ICE2: variants seen among roughly 807,000 people sequenced by gnomAD.
ICE2 encodes the protein little elongation complex subunit 2.
In ICE2, 87 loss-of-function variants were observed where a neutral mutation model predicts 105.4. The ratio of observed to expected loss-of-function variants is 0.83; its 90% confidence interval spans 0.69 to 0.99. The LOEUF (loss-of-function observed/expected upper bound fraction) is 0.99, where lower values mean the gene tolerates loss of function less well. Among genes scored for constraint, ICE2 ranks in the 50% least tolerant of loss-of-function variants. The pLI, the probability that ICE2 is intolerant of heterozygous loss-of-function variation, is 0.00. For missense variants in ICE2, 1,323 were observed against 1,146.7 expected (o/e 1.15, Z -2.22); for synonymous variants, 399 against 392.0 (o/e 1.02, Z -0.21).
intron 11 of ICE2, chr15:60,445,719 T>A (rs1566982088): frequency 4.1e-6 from 4 of 985,024 alleles, no homozygotes; most frequent in Non-Finnish European, 4.8e-6. Flanking sequence ...AGAATTAAAC[T>A]GGTATCCAAA....
chr15:60,462,660 A>G (rs1178354019), intron 5 of ICE2, among the ~76,000 whole-genome samples: 1 of 152,154 alleles, frequency 6.6e-6, no homozygotes, highest in Non-Finnish European at 1.5e-5. Flanking sequence ...AGAAAAAATG[A>G]ACAGTCATTC....
In ICE2 at chr15:60,455,024, T is replaced by A; in HGVS notation, c.922A>T (p.Ile308Phe). 1 of 1,566,954 alleles carries A rather than the reference T, an allele frequency of 6.4e-7. No homozygotes were observed. Among genetic ancestry groups the A allele is most frequent in the South Asian group, 1.2e-5 (1 of 82,024 alleles). The change falls in exon 8 of 16, where the codon ATT (isoleucine) becomes TTT (phenylalanine). Residue 308 changes from isoleucine to phenylalanine, a missense_variant. Transcript: ENST00000261520. Reference protein sequence around the residue: ...YKEQWEIPVCIQVIPVAGSKP... With the variant: ...YKEQWEIPVCFQVIPVAGSKP... ...AAACCTGCAACAGGTATTACTTGAATACACACTGGAATTTCCCACTGTTCC... is the reference window on the plus strand; with the variant it reads ...AAACCTGCAACAGGTATTACTTGAAAACACACTGGAATTTCCCACTGTTCC...
rs960239497 is a variant in ICE2 at position 60,421,087 on chromosome 15, T to C, written c.*2547A>G. 5.9e-5 allele frequency: 9 copies of C among 152,164 alleles called. No individual in the cohort carries two copies. The highest frequency in any genetic ancestry group is 1.9e-4 in the African/African-American group (8 of 41,428). 9.4% of individuals were successfully genotyped at this position (152,164 alleles called of 1,614,324 possible). A position where few individuals can be genotyped will look rare whatever the true frequency, so the allele number is the denominator to read the frequency against. On this transcript the variant is annotated 3_prime_UTR_variant, in exon 16 of 16. Coordinates refer to ENST00000261520, the MANE Select transcript of ICE2 (RefSeq NM_024611.6). Reference sequence around the variant, plus strand: ...CTACTTTGGAGTGCATGGCACATAGTTGCACTCACTTACTGAATTAAACTG... The same window carrying C: ...CTACTTTGGAGTGCATGGCACATAGCTGCACTCACTTACTGAATTAAACTG...
intron 12 of ICE2, chr15:60,439,202 T>G (rs886826321): frequency 6.6e-6 from 1 of 152,152 alleles, no homozygotes; most frequent in African/African-American, 2.4e-5. Flanking sequence ...CAAAACACTA[T>G]AAATTCTCTA....
Position 60,420,445 on chromosome 15 carries a change from A to C in ICE2, c.*3189T>G, listed in dbSNP as rs187515060. ...GCTTCCCAGCTCCATCGCATTCTCT[A>C]GACTAATGCCAACAAGAGCCCTTTT... On this transcript the variant is annotated 3_prime_UTR_variant, in exon 16 of 16. Coordinates refer to ENST00000261520, the MANE Select transcript of ICE2 (RefSeq NM_024611.6). 1 of 152,310 alleles carries C rather than the reference A, an allele frequency of 6.6e-6. No homozygotes were observed. The highest frequency in any genetic ancestry group is 6.5e-5 in the Admixed American group (1 of 15,296). 9.4% of individuals were successfully genotyped at this position (152,310 alleles called of 1,614,324 possible). A position where few individuals can be genotyped will look rare whatever the true frequency, so the allele number is the denominator to read the frequency against.
In ICE2 at chr15:60,420,958, C is replaced by T. The variant is rs890300947; in HGVS notation, c.*2676G>A. 2 of 122,048 alleles carry T rather than the reference C, an allele frequency of 1.6e-5. No homozygotes were observed. Among genetic ancestry groups the T allele is most frequent in the African/African-American group, 5.4e-5 (2 of 36,702 alleles). The allele number at this position is 122,048 out of a possible 1,614,324, so 7.6% of individuals were successfully genotyped here. A position where few individuals can be genotyped will look rare whatever the true frequency, so the allele number is the denominator to read the frequency against. On this transcript the variant is annotated 3_prime_UTR_variant, in exon 16 of 16. Transcript: ENST00000261520. Reference sequence around the variant, plus strand: ...AATGGTGAACAAAACAAATATGCCCCTGTCCTTGCAGAGCTTGTAATCTAT... The same window carrying T: ...AATGGTGAACAAAACAAATATGCCCTTGTCCTTGCAGAGCTTGTAATCTAT...
In ICE2 at chr15:60,466,731, A is replaced by G. The variant is rs1432169309; in HGVS notation, c.409-18T>C. The G allele has an allele frequency of 2.5e-6, 4 of 1,580,468 alleles. No individual in the cohort carries two copies. In the African/African-American group the frequency reaches 5.4e-5, roughly 21 times the overall value. On this transcript the variant is annotated intron_variant, in intron 4 of 15. Transcript: ENST00000261520. ...TTCATATCCTGATTTTTAAAAAAGT[A>G]GACATGTCTTGGGATAAAAAGTTTC... is the stretch of plus-strand genomic sequence containing the variant.
chr15:60,444,649 T>C (rs1024029713), intron 11 of ICE2, among the ~76,000 whole-genome samples: 1 of 152,086 alleles, frequency 6.6e-6, no homozygotes, highest in African/African-American at 2.4e-5. Context: ...ACTCAGTAAA[T>C]TCTGTTTTAT....
At chr15:60,454,548 C>T (rs1418673390) in intron 8 of ICE2, 1 of 152,822 alleles carries the variant, frequency 6.5e-6, no homozygotes, top group Non-Finnish European at 1.5e-5. Flanking sequence ...TTTAGTAGTG[C>T]TGAGCCTAAA....
intron 12 of ICE2, among the ~76,000 whole-genome samples, chr15:60,436,720 C>CCAAAA (rs2063598555): frequency 1.1e-5 from 1 of 88,014 alleles, no homozygotes; most frequent in African/African-American, 4.4e-5. Flanking sequence ...GACTCTGTCT[C>CCAAAA]AAAAAAAAAA....
chr15:60,432,036 T>C (rs185358606), intron 13 of ICE2, 52 bp from the exon 14 acceptor site: 245 of 913,366 alleles, frequency 2.7e-4, no homozygotes, highest in Non-Finnish European at 3.7e-4. Flanking sequence ...AACTTACTTT[T>C]AGCAATTATA....
intron 9 of ICE2, chr15:60,451,012 A>G (rs1403844844): frequency 8.2e-6 from 2 of 243,636 alleles, no homozygotes; most frequent in Non-Finnish European, 1.3e-5. Context: ...AAAGTGTTAG[A>G]CAAAGCAGAA....
chr15:60,475,932 A>G (rs576614460), intron 3 of ICE2, 131 bp downstream of exon 3: 2 of 571,858 alleles, frequency 3.5e-6, no homozygotes, highest in Non-Finnish European at 6.1e-6. Flanking sequence ...GATAAATACC[A>G]GTGTTAAAAG....
At chr15:60,426,122 G>T (rs528947577) in intron 15 of ICE2, among the ~76,000 whole-genome samples, 1 of 152,296 alleles carries the variant, frequency 6.6e-6, no homozygotes, top group Non-Finnish European at 1.5e-5. Flanking sequence ...TAATTATGTG[G>T]CCAAATTGTG....
At chr15:60,454,812 C>A (rs528199479) in intron 8 of ICE2, 191 bp downstream of exon 8, 12 of 465,290 alleles carry the variant, frequency 2.6e-5, no homozygotes, top group Admixed American at 1.2e-4. Flanking sequence ...AGGTTTTAAG[C>A]CCTGCACGAA....
chr15:60,427,149 C>G (rs1352590807), intron 15 of ICE2, among the ~76,000 whole-genome samples: 4 of 152,128 alleles, frequency 2.6e-5, no homozygotes, highest in South Asian at 2.1e-4. Flanking sequence ...AACAAACAAC[C>G]CTGTTTACTT....
At chr15:60,476,196 T>G in intron 2 of ICE2, 29 bp from the exon 3 acceptor site, 2 of 1,422,800 alleles carry the variant, frequency 1.4e-6, no homozygotes, top group Non-Finnish European at 9.8e-7. Context: ...TACTTACATT[T>G]GACAATTCAA....
In ICE2 at chr15:60,421,316, A is replaced by C. The variant is rs905872266; in HGVS notation, c.*2318T>G. 6.6e-6 allele frequency: 1 copy of C among 152,330 alleles called. No individual in the cohort carries two copies. Among genetic ancestry groups the C allele is most frequent in the African/African-American group, 2.4e-5 (1 of 41,576 alleles). The allele number at this position is 152,330 out of a possible 1,614,324, so 9.4% of individuals were successfully genotyped here. On this transcript the variant is annotated 3_prime_UTR_variant, in exon 16 of 16. Coordinates refer to ENST00000261520, the MANE Select transcript of ICE2 (RefSeq NM_024611.6). ...CTGCAGCCTCAAACTCCTAGACTCA[A>C]GCGATCCTCCCACCTCAGCTTCCCA...
intron 3 of ICE2, among the ~76,000 whole-genome samples, chr15:60,474,785 T>C (rs1173439898): frequency 6.6e-6 from 1 of 151,594 alleles, no homozygotes; most frequent in African/African-American, 2.4e-5. Flanking sequence ...ATATGTGGAG[T>C]CCAGGGATTA....
Sources: allele counts gnomAD v4.1 joint callset (sites outside exome capture counted in the v4.1 genomes callset), GRCh38; gene constraint gnomAD v4.1.1; transcripts MANE v1.5; gene names NCBI Gene and HGNC (gene_info 2026-07-23, HGNC 2026-07-21).